Variants in NOC3L observed in about 807,000 individuals in gnomAD.
NOC3L encodes the protein nucleolar complex protein 3 homolog.
In NOC3L, 85 loss-of-function variants were observed where a neutral mutation model predicts 102.5. The observed-to-expected ratio is 0.83, with a 90% confidence interval of 0.70 to 0.99. The LOEUF is 0.99. NOC3L is among the 50% of genes least tolerant of loss of function. The pLI, the probability that NOC3L is intolerant of heterozygous loss-of-function variation, is 0.00. For missense variants in NOC3L, 878 were observed against 914.9 expected, an observed-to-expected ratio of 0.96 and a Z score of 0.52; for synonymous variants, 303 against 309.4, an observed-to-expected ratio of 0.98 and a Z score of 0.22.
In NOC3L at chr10:94,355,078, G is replaced by A. The variant is rs12572897; in HGVS notation, c.581C>T (p.Pro194Leu). ...RELEEEIIEDPIQELTIEEHL... is the reference protein window; with the variant it reads ...RELEEEIIEDLIQELTIEEHL... ...TTCTTCTATGGTCAGCTCTTGAATA[G>A]GATCTTCAATGATCTCTAAAACAGA... The change falls in exon 6 of 21, where the codon CCT becomes CTT. Residue 194 changes from proline to leucine, a missense_variant. Transcript: ENST00000371361. 0.14 allele frequency: 225,037 copies of A among 1,608,618 alleles called. 18,173 individuals are homozygous for A. The highest frequency in any genetic ancestry group is 0.3 in the South Asian group (26,910 of 90,798).
Position 94,349,240 on chromosome 10 carries a change from A to AG in NOC3L, c.1257+9_1257+10insC. The AG allele has an allele frequency of 1.3e-6, 2 of 1,560,634 alleles. No homozygotes were observed. The highest frequency in any genetic ancestry group is 1.7e-6 in the Non-Finnish European group (2 of 1,164,416). On this transcript the variant is annotated intron_variant, in intron 10 of 20. Coordinates refer to ENST00000371361, the MANE Select transcript of NOC3L (RefSeq NM_022451.11). ...AAAACAAAATGCAAAGTAAAAAAAA[A>AG]AAGGCTCACCTCTGGCCTAACTTCG...
At chr10:94,351,254 C>T (rs1452097001) in intron 8 of NOC3L, among the ~76,000 whole-genome samples, 8 of 148,948 alleles carry the variant, frequency 5.4e-5, no homozygotes, top group Non-Finnish European at 1.0e-4. Context: ...CCACTATACT[C>T]CACTACCTTT....
chr10:94,318,492 G>T, the NOC3L span, among the ~76,000 whole-genome samples: 1 of 152,144 alleles, frequency 6.6e-6, no homozygotes, highest in Non-Finnish European at 1.5e-5. Context: ...TACACTTAAG[G>T]AAATAGATTC....
At chr10:94,329,796 A>AC (rs1564905167), downstream of NOC3L, 11 of 150,426 alleles carry the variant, frequency 7.3e-5, no homozygotes, top group Admixed American at 2.7e-4. Context: ...AAAAAAAAAA[A>AC]AAAAAAAAAA....
At chr10:94,337,477 TG>T (rs1453051355) in intron 19 of NOC3L, among the ~76,000 whole-genome samples, 3 of 152,146 alleles carry the variant, frequency 2.0e-5, no homozygotes, top group Admixed American at 1.3e-4. Context: ...ACCTGAGTGA[TG>T]GGGGGCATAT....
At chr10:94,357,553 C>A in intron 3 of NOC3L, 1 of 357,830 alleles carries the variant, frequency 2.8e-6, no homozygotes. Context: ...TTGGCTACAT[C>A]CAGTTTTCCC....
chr10:94,344,438 T>G lies in NOC3L; in HGVS notation c.1548A>C (p.Pro516=). Reference sequence around the variant, plus strand: ...ACTTGGCAAGACCTTCTAGAACTGCTGGCAGGAGAGGTGACCTCTGGGCCT... The same window carrying G: ...ACTTGGCAAGACCTTCTAGAACTGCGGGCAGGAGAGGTGACCTCTGGGCCT... ...LKKAQRSPLL[P]AVLEGLAKFA... is the part of the protein sequence containing the mutation. The change falls in exon 13 of 21, where the codon CCA becomes CCC. Residue 516 remains proline (P), a synonymous_variant. Coordinates refer to ENST00000371361, the MANE Select transcript of NOC3L (RefSeq NM_022451.11). 1 of 1,613,336 alleles carries G rather than the reference T, an allele frequency of 6.2e-7. No homozygotes were observed. Among genetic ancestry groups the G allele is most frequent in the Non-Finnish European group, 8.5e-7 (1 of 1,179,362 alleles).
At chr10:94,346,286 A>C in intron 11 of NOC3L, 139 bp downstream of exon 11, 1 of 522,224 alleles carries the variant, frequency 1.9e-6, no homozygotes, top group Non-Finnish European at 3.1e-6. Flanking sequence ...TAACAGGAAA[A>C]GATAAAATTC....
chr10:94,354,282 C>T (rs2054456747), intron 6 of NOC3L, among the ~76,000 whole-genome samples: 1 of 152,098 alleles, frequency 6.6e-6, no homozygotes, highest in Non-Finnish European at 1.5e-5. Context: ...ACCAGCATAA[C>T]AATAATAATA....
chr10:94,346,275 G>T, intron 11 of NOC3L, 150 bp downstream of exon 11: 1 of 451,438 alleles, frequency 2.2e-6, no homozygotes, highest in Non-Finnish European at 3.7e-6. Context: ...TTTCTTTGCA[G>T]TAACAGGAAA....
the NOC3L span, chr10:94,325,305 A>T: frequency 1.9e-6 from 1 of 525,506 alleles, no homozygotes; most frequent in Non-Finnish European, 3.4e-6. Context: ...CCTATAAAGA[A>T]AAAGGGAAAG....
Position 94,333,974 on chromosome 10 carries a change from G to C in NOC3L, c.*203C>G, listed in dbSNP as rs1185755556. 3 of 361,918 alleles carry C rather than the reference G, an allele frequency of 8.3e-6. No homozygotes were observed. Among genetic ancestry groups the C allele is most frequent in the Non-Finnish European group, 1.5e-5 (3 of 203,788 alleles). The allele number at this position is 361,918 out of a possible 1,614,324, so 22.4% of individuals were successfully genotyped here. ...TTCCAAATACTGGGGAGAAAAAAAG[G>C]CTTTTGATCTCCTTGATGGAATGAC... On this transcript the variant is annotated 3_prime_UTR_variant, in exon 21 of 21. Transcript: ENST00000371361.
chr10:94,316,181 A>G, the NOC3L span, among the ~76,000 whole-genome samples: 1 of 152,210 alleles, frequency 6.6e-6, no homozygotes, highest in African/African-American at 2.4e-5. Flanking sequence ...TGAGAAAAAG[A>G]GATTATCTTA....
chr10:94,341,929 T>C (rs958325403), intron 13 of NOC3L, among the ~76,000 whole-genome samples, 184 bp from the exon 14 acceptor site: 5 of 152,206 alleles, frequency 3.3e-5, no homozygotes, highest in African/African-American at 7.2e-5. Context: ...TCATACACCA[T>C]TGAACACTAA....
At chr10:94,324,347 A>G in the NOC3L span, 1 of 1,610,606 alleles carries the variant, frequency 6.2e-7, no homozygotes, top group Non-Finnish European at 8.5e-7. Context: ...CTTACCTTTC[A>G]GACCTTATGC....
At chr10:94,324,980 C>T in the NOC3L span, 7 of 1,614,148 alleles carry the variant, frequency 4.3e-6, no homozygotes, top group Non-Finnish European at 5.1e-6. Flanking sequence ...CGAGGACTTA[C>T]ATCACCTTCT....
chr10:94,344,702 T>C, intron 12 of NOC3L, 151 bp downstream of exon 12: 1 of 684,808 alleles, frequency 1.5e-6, no homozygotes, highest in East Asian at 2.7e-5. Flanking sequence ...CTAGCACTGA[T>C]CACATCACAG....
chr10:94,327,609 C>T, the NOC3L span, among the ~76,000 whole-genome samples: 1 of 152,044 alleles, frequency 6.6e-6, no homozygotes, highest in East Asian at 1.9e-4. Context: ...TAAAATGATC[C>T]CTTTTAAAGT....
At chr10:94,320,216 A>G in the NOC3L span, among the ~76,000 whole-genome samples, 1 of 152,186 alleles carries the variant, frequency 6.6e-6, no homozygotes, top group Non-Finnish European at 1.5e-5. Flanking sequence ...CATAGGATAC[A>G]ATCTCATTTT....
Sources: gnomAD v4.1 joint callset for allele counts (sites outside exome capture counted in the v4.1 genomes callset) on GRCh38, gnomAD v4.1.1 for gene constraint, MANE v1.5 for transcripts, NCBI Gene and HGNC (gene_info 2026-07-23, HGNC 2026-07-21) for gene names.